The following GLI3 variants were observed in gnomAD, a reference collection of about 807,000 sequenced individuals.
GLI3 encodes the protein GLI family zinc finger 3.
GLI3 carries 20 observed loss-of-function variants against 100.8 expected under a neutral mutation model. The ratio of observed to expected loss-of-function variants is 0.20; its 90% confidence interval spans 0.14 to 0.29. The LOEUF (loss-of-function observed/expected upper bound fraction) is 0.29, where lower values mean the gene tolerates loss of function less well. Among genes scored for constraint, GLI3 ranks in the 10% least tolerant of loss-of-function variants. The pLI is 1.00. For synonymous variants in GLI3, 938 were observed against 860.5 expected, an observed-to-expected ratio of 1.09 and a Z score of -1.58; for missense variants, 2,040 against 2,128.5, an observed-to-expected ratio of 0.96 and a Z score of 0.82.
chr7:42,075,025 C>T (rs926086796), intron 4 of GLI3, among the ~76,000 whole-genome samples: 29 of 152,146 alleles, frequency 1.9e-4, no homozygotes, highest in African/African-American at 5.5e-4. Context: ...CATCTTGTCT[C>T]GTGATGTTAT....
At chr7:41,968,743 A>AGAAAGAAAGAAAGAAG (rs1787277588) in intron 13 of GLI3, among the ~76,000 whole-genome samples, 54 of 129,794 alleles carry the variant, frequency 4.2e-4, no homozygotes, top group Middle Eastern at 3.8e-3. Flanking sequence ...AAAGAAAGAA[A>AGAAAGAAAGAAAGAAG]GAAAGAAAGA....
chr7:42,188,747 A>G (rs1787768451), intron 2 of GLI3, among the ~76,000 whole-genome samples: 1 of 152,232 alleles, frequency 6.6e-6, no homozygotes, highest in South Asian at 2.1e-4. Flanking sequence ...TAAAAAGTCT[A>G]TGTACTATAT....
At chr7:41,973,916 CAT>C (rs373848101) in intron 12 of GLI3, among the ~76,000 whole-genome samples, 2 of 151,588 alleles carry the variant, frequency 1.3e-5, no homozygotes, top group Non-Finnish European at 2.9e-5. Context: ...TGATTTGCAG[CAT>C]ATATATATAT....
intron 1 of GLI3, among the ~76,000 whole-genome samples, chr7:42,235,200 A>T (rs1164387593): frequency 6.6e-6 from 1 of 152,232 alleles, no homozygotes; most frequent in Non-Finnish European, 1.5e-5. Context: ...TTAATTTTTA[A>T]TCTAAAACCT....
chr7:42,227,468 C>A (rs1461584884), intron 1 of GLI3, among the ~76,000 whole-genome samples: 2 of 152,052 alleles, frequency 1.3e-5, no homozygotes, highest in African/African-American at 2.4e-5. Flanking sequence ...TATCCCTGAA[C>A]CTTTTGTAAT....
intron 10 of GLI3, among the ~76,000 whole-genome samples, chr7:42,012,725 G>T (rs888661459): frequency 4.6e-5 from 7 of 152,176 alleles, no homozygotes; most frequent in Middle Eastern, 3.2e-3. Flanking sequence ...GCTACAGCCA[G>T]AAGCCAAATG....
chr7:42,101,862 A>T (rs1257341825), intron 3 of GLI3, among the ~76,000 whole-genome samples: 2 of 119,180 alleles, frequency 1.7e-5, no homozygotes, highest in Non-Finnish European at 3.3e-5. Context: ...CAGTCCCCAG[A>T]GTGTGATGTT....
intron 4 of GLI3, among the ~76,000 whole-genome samples, chr7:42,063,521 T>A (rs1252570395): frequency 6.6e-6 from 1 of 152,224 alleles, no homozygotes; most frequent in Non-Finnish European, 1.5e-5. Flanking sequence ...AGCAAAATTA[T>A]TTTATTAAAA....
chr7:42,049,043 C>G (rs1421801949), intron 4 of GLI3, among the ~76,000 whole-genome samples: 1 of 152,044 alleles, frequency 6.6e-6, no homozygotes, highest in Non-Finnish European at 1.5e-5. Flanking sequence ...GTATTTTCCA[C>G]TTGACCCAAA....
intron 10 of GLI3, among the ~76,000 whole-genome samples, chr7:42,008,178 C>T (rs901479750): frequency 6.6e-6 from 1 of 152,178 alleles, no homozygotes; most frequent in Non-Finnish European, 1.5e-5. Flanking sequence ...ACAATTTAAA[C>T]AACCTCACAT....
chr7:42,224,752 C>CGTGCGTGAGTCCCA (rs1788552063), intron 1 of GLI3, among the ~76,000 whole-genome samples: 1 of 152,100 alleles, frequency 6.6e-6, no homozygotes, highest in African/African-American at 2.4e-5. Flanking sequence ...GTGCAGCCAC[C>CGTGCGTGAGTCCCA]GTGCGTGAGT....
intron 3 of GLI3, among the ~76,000 whole-genome samples, chr7:42,101,126 A>C (rs181156436): frequency 5.3e-5 from 8 of 152,310 alleles, no homozygotes; most frequent in Admixed American, 3.9e-4. Context: ...GTAGCAGTAA[A>C]TATTGACAAG....
chr7:41,978,048 A>G (rs940180740), intron 11 of GLI3: 1 of 417,016 alleles, frequency 2.4e-6, no homozygotes, highest in African/African-American at 2.0e-5. Context: ...GTTCATTAAT[A>G]TAGCTTTGTG....
At chr7:42,134,618 G>A (rs1334073744) in intron 3 of GLI3, among the ~76,000 whole-genome samples, 1 of 152,108 alleles carries the variant, frequency 6.6e-6, no homozygotes, top group Non-Finnish European at 1.5e-5. Flanking sequence ...GTATGAGGCA[G>A]AATGAAATCA....
At chr7:42,161,177 T>G (rs889323027) in intron 2 of GLI3, among the ~76,000 whole-genome samples, 2 of 152,212 alleles carry the variant, frequency 1.3e-5, no homozygotes, top group African/African-American at 4.8e-5. Context: ...TTGTACAGCC[T>G]GTGAGCTCAA....
chr7:41,982,562 T>G (rs1181971361), intron 10 of GLI3, among the ~76,000 whole-genome samples: 6 of 149,050 alleles, frequency 4.0e-5, no homozygotes, highest in Non-Finnish European at 8.9e-5. Context: ...AAAATCAGGG[T>G]GTGGTGGTAT....
At chr7:42,031,396 C>T (rs1562694382) in intron 7 of GLI3, among the ~76,000 whole-genome samples, 1 of 152,140 alleles carries the variant, frequency 6.6e-6, no homozygotes, top group African/African-American at 2.4e-5. Context: ...AACGTGCTAA[C>T]ACAGTCAGAG....
intron 2 of GLI3, among the ~76,000 whole-genome samples, chr7:42,194,557 C>T (rs1787888905): frequency 6.6e-6 from 1 of 152,224 alleles, no homozygotes; most frequent in Non-Finnish European, 1.5e-5. Context: ...CCAGCTTAAC[C>T]TGACAAATTT....
intron 1 of GLI3, among the ~76,000 whole-genome samples, chr7:42,254,654 T>G (rs981735404): frequency 1.3e-5 from 2 of 152,240 alleles, no homozygotes; most frequent in African/African-American, 4.8e-5. Flanking sequence ...CAGATATAAT[T>G]CAATAATTTC....
Sources: allele counts gnomAD v4.1 joint callset (sites outside exome capture counted in the v4.1 genomes callset), GRCh38; gene constraint gnomAD v4.1.1; transcripts MANE v1.5; gene names NCBI Gene and HGNC (gene_info 2026-07-23, HGNC 2026-07-21).